Variants in RBM6 observed in about 807,000 individuals in gnomAD.
The protein encoded by RBM6 is RNA-binding protein 6.
In RBM6, 23 loss-of-function variants were observed where a neutral mutation model predicts 140.4. That is an observed-to-expected ratio of 0.16 (90% CI 0.12 to 0.23). The LOEUF is 0.23. Among genes scored for constraint, RBM6 ranks in the 10% least tolerant of loss-of-function variants. RBM6 has a pLI of 1.00. For missense variants in RBM6, 1,139 were observed against 1,386.7 expected (o/e 0.82, Z 2.84); for synonymous variants, 439 against 475.6 (o/e 0.92, Z 1.00).
chr3:49,959,220 GCT>G (rs1479207396), intron 1 of RBM6, among the ~76,000 whole-genome samples: 1 of 131,158 alleles, frequency 7.6e-6, no homozygotes, highest in Non-Finnish European at 1.6e-5. Flanking sequence ...ATGGAGTCTC[GCT>G]CTGTCGCCCA....
chr3:49,953,451 C>T (rs12630959), intron 1 of RBM6, among the ~76,000 whole-genome samples: 10,601 of 151,590 alleles, frequency 0.07, 392 homozygotes, highest in Non-Finnish European at 0.077. Flanking sequence ...ATCTCTTGAC[C>T]TCGTGATCTG....
intron 7 of RBM6, among the ~76,000 whole-genome samples, chr3:50,050,027 A>C (rs1035388278): frequency 3.3e-5 from 5 of 150,954 alleles, no homozygotes; most frequent in African/African-American, 4.9e-5. Context: ...TTGAGACAGG[A>C]TCTCACTCTT....
At chr3:50,065,695 T>G in intron 16 of RBM6, 1 of 454,212 alleles carries the variant, frequency 2.2e-6, no homozygotes, top group Non-Finnish European at 4.4e-6. Flanking sequence ...CCAATGATTA[T>G]GCATCATTAT....
intron 6 of RBM6, among the ~76,000 whole-genome samples, chr3:50,014,672 A>G (rs1324339921): frequency 6.6e-6 from 1 of 152,190 alleles, no homozygotes; most frequent in African/African-American, 2.4e-5. Flanking sequence ...AAAGTAAAAG[A>G]TGCATATATT....
In RBM6 at chr3:49,967,422, TTTCAAA is replaced by T; in HGVS notation, c.45-47_45-42del. ...AGAGAAGAATATGCTGGTGTGTAGA[TTTCAAA>T]CTCTCTGGACAATATGAATAACACT... On this transcript the variant is annotated intron_variant, in intron 2 of 20. Coordinates refer to ENST00000266022, the MANE Select transcript of RBM6 (RefSeq NM_005777.3). The surrounding 1 kb of genome is among the most constrained non-coding windows in gnomAD (Gnocchi z 4.0). The T allele has an allele frequency of 6.4e-7, 1 of 1,568,278 alleles. No homozygotes were observed. The highest frequency in any genetic ancestry group is 8.6e-7 in the Non-Finnish European group (1 of 1,157,216).
At chr3:49,985,598 GTTTATTTTTATT>G (rs1016588300) in intron 5 of RBM6, among the ~76,000 whole-genome samples, 4 of 152,080 alleles carry the variant, frequency 2.6e-5, no homozygotes, top group Admixed American at 1.3e-4. Flanking sequence ...TTAAGAATGA[GTTTATTTTTATT>G]TTTATTTTTA....
rs2089911655 is a variant in RBM6, at chr3:50,060,891, G to A, written c.2229-65G>A. On this transcript the variant is annotated intron_variant, in intron 11 of 20. Transcript: ENST00000266022. ...AGAGGATTTCTCGATAGGAACTGTAGGATTAAGTACTCGTCAAATGCCACT... is the reference window on the plus strand; with the variant it reads ...AGAGGATTTCTCGATAGGAACTGTAAGATTAAGTACTCGTCAAATGCCACT... 8 of 1,477,046 alleles carry A rather than the reference G, an allele frequency of 5.4e-6. No homozygotes were observed. In the East Asian group the frequency reaches 9.2e-5, roughly 17 times the overall value. 91.5% of individuals were successfully genotyped at this position (1,477,046 alleles called of 1,614,324 possible).
intron 4 of RBM6, among the ~76,000 whole-genome samples, chr3:49,972,397 G>T (rs1056457780): frequency 6.6e-6 from 1 of 152,068 alleles, no homozygotes; most frequent in Non-Finnish European, 1.5e-5. Flanking sequence ...CACTCACTGA[G>T]GTGAGGTTAA....
chr3:50,042,662 G>A (rs1386461762), intron 6 of RBM6, among the ~76,000 whole-genome samples: 1 of 152,080 alleles, frequency 6.6e-6, no homozygotes, highest in African/African-American at 2.4e-5. Flanking sequence ...CTTGAGCCTG[G>A]GAGGTCAAGG....
intron 15 of RBM6, among the ~76,000 whole-genome samples, chr3:50,063,560 G>A (rs543748324): frequency 6.8e-6 from 1 of 147,918 alleles, no homozygotes; most frequent in South Asian, 2.1e-4. Flanking sequence ...TTGCGCCACT[G>A]CACTCCAGCA....
At chr3:49,973,892 T>C (rs2084928369) in intron 4 of RBM6, among the ~76,000 whole-genome samples, 1 of 150,042 alleles carries the variant, frequency 6.7e-6, no homozygotes, top group Non-Finnish European at 1.5e-5. Flanking sequence ...AGCATTTTGT[T>C]TGTTTGTTTG....
intron 7 of RBM6, 83 bp downstream of exon 7, chr3:50,048,402 C>T (rs2089314773): frequency 1.9e-6 from 3 of 1,541,990 alleles, no homozygotes; most frequent in Non-Finnish European, 2.6e-6. Context: ...TGCCTGCTAA[C>T]ATGCATTCCC....
At chr3:49,963,105 CA>C (rs1258096492) in intron 2 of RBM6, 3 of 81,164 alleles carry the variant, frequency 3.7e-5, no homozygotes, top group African/African-American at 1.4e-4. Flanking sequence ...GTCTCAAAAA[CA>C]AAAACAAAAA....
At position 49,966,711 on chromosome 3, in the gene RBM6, C is replaced by T. The variant is rs370623815; in HGVS notation, c.45-759C>T. 3.0e-4 allele frequency among the ~76,000 whole-genome samples: 46 copies of T among 152,244 alleles called. No homozygotes were observed. In the South Asian group the frequency reaches 8.9e-3, roughly 30 times the overall value. ...TATCTCAGCATTGAGCCCCTGGATG[C>T]TGTTGCGTGGCTTAGATGACTTATA... is the stretch of plus-strand genomic sequence containing the variant. On this transcript the variant is annotated intron_variant, in intron 2 of 20. Coordinates refer to ENST00000266022, the MANE Select transcript of RBM6 (RefSeq NM_005777.3).
chr3:49,971,172 AG>A (rs2084770655), intron 3 of RBM6, among the ~76,000 whole-genome samples: 1 of 137,972 alleles, frequency 7.2e-6, no homozygotes, highest in South Asian at 2.4e-4. Context: ...AGGCTGAGGC[AG>A]GAGAATCCCT....
At chr3:50,060,061 G>A (rs1575842651) in intron 11 of RBM6, among the ~76,000 whole-genome samples, 1 of 152,216 alleles carries the variant, frequency 6.6e-6, no homozygotes, top group South Asian at 2.1e-4. Flanking sequence ...ATGGGGAGCG[G>A]GTTACATGAG....
At chr3:50,069,248 C>T (rs1347386017) in intron 18 of RBM6, among the ~76,000 whole-genome samples, 1 of 152,176 alleles carries the variant, frequency 6.6e-6, no homozygotes, top group Non-Finnish European at 1.5e-5. Context: ...CACGGTGGCT[C>T]ACGCCTATAA....
chr3:50,053,424 G>A (rs1225173993), intron 7 of RBM6, among the ~76,000 whole-genome samples: 3 of 152,040 alleles, frequency 2.0e-5, no homozygotes, highest in African/African-American at 7.2e-5. Flanking sequence ...CCGGCTACTC[G>A]GGAGGCTGAG....
chr3:49,972,827 A>G (rs1000724745), intron 4 of RBM6, among the ~76,000 whole-genome samples: 1 of 152,172 alleles, frequency 6.6e-6, no homozygotes, highest in Non-Finnish European at 1.5e-5. Context: ...CAGGCGGGGC[A>G]TGGTAGCTCG....
Sources: gnomAD v4.1 joint callset for allele counts (sites outside exome capture counted in the v4.1 genomes callset) on GRCh38, gnomAD v4.1.1 for gene constraint, Gnocchi (gnomAD v3.1) non-coding constraint, MANE v1.5 for transcripts, NCBI Gene and HGNC (gene_info 2026-07-23, HGNC 2026-07-21) for gene names.